Variants in ACYP2 observed in about 807,000 individuals in gnomAD.
ACYP2 encodes the protein acylphosphatase-2.
ACYP2 carries 12 observed loss-of-function variants against 11.2 expected under a neutral mutation model. The ratio of observed to expected loss-of-function variants is 1.08; its 90% CI spans 0.69 to 1.74. The LOEUF (loss-of-function observed/expected upper bound fraction) is 1.74, where lower values mean the gene tolerates loss of function less well. Among genes scored for constraint, ACYP2 ranks in the 40% most tolerant of loss-of-function variants. The pLI is 0.00. For synonymous variants in ACYP2, 43 were observed against 32.2 expected (o/e 1.33, Z -1.13); for missense variants, 134 against 101.9 (o/e 1.31, Z -1.35).
At chr2:54,008,248 C>G (rs983016713) in intron 2 of ACYP2, among the ~76,000 whole-genome samples, 3 of 152,222 alleles carry the variant, frequency 2.0e-5, no homozygotes, top group African/African-American at 7.2e-5. Context: ...CTAAAGTCCA[C>G]TAACACCTCT....
At chr2:54,145,328 T>G (rs1010091017) in intron 6 of ACYP2, among the ~76,000 whole-genome samples, 1 of 152,232 alleles carries the variant, frequency 6.6e-6, no homozygotes, top group Non-Finnish European at 1.5e-5. Context: ...TGCTTTAGGC[T>G]GCAAGTAACA....
intron 6 of ACYP2, among the ~76,000 whole-genome samples, chr2:54,218,165 T>C (rs1048145311): frequency 6.6e-6 from 1 of 152,214 alleles, no homozygotes; most frequent in African/African-American, 2.4e-5. Flanking sequence ...AAAGTAGTCT[T>C]GTTCTTCATT....
At position 54,198,009 on chromosome 2, in the gene ACYP2, A is replaced by C. The variant is rs370346216; in HGVS notation, c.404+59261A>C. On this transcript the variant is annotated intron_variant, in intron 6 of 6. Transcript: ENST00000607452. ...ATTGTATTGTATTGTATTGTATTGTATTGTATTGTATTGTATTGTATTGTA... is the reference window on the plus strand; with the variant it reads ...ATTGTATTGTATTGTATTGTATTGTCTTGTATTGTATTGTATTGTATTGTA... 7.1e-5 allele frequency among the ~76,000 whole-genome samples: 10 copies of C among 140,082 alleles called. No individual in the cohort carries two copies. The East Asian group carries it at 1.2e-3, about 17-fold the overall frequency. 91.9% of individuals were successfully genotyped at this position (140,082 alleles called of 152,430 possible). A position where few individuals can be genotyped will look rare whatever the true frequency, so the allele number is the denominator to read the frequency against.
chr2:54,033,217 A>G (rs1329063335), intron 2 of ACYP2, among the ~76,000 whole-genome samples: 15 of 134,320 alleles, frequency 1.1e-4, no homozygotes, highest in African/African-American at 4.0e-4. Flanking sequence ...TTTTTTTTTG[A>G]GACAGGGTCT....
At chr2:54,132,815 G>A (rs1680989402) in intron 4 of ACYP2, among the ~76,000 whole-genome samples, 1 of 150,420 alleles carries the variant, frequency 6.6e-6, no homozygotes, top group Non-Finnish European at 1.5e-5. Context: ...CATGATCTTG[G>A]CTCACCGAAA....
chr2:54,292,153 C>G (rs1021246294), intron 6 of ACYP2, among the ~76,000 whole-genome samples: 44 of 152,180 alleles, frequency 2.9e-4, no homozygotes, highest in African/African-American at 1.0e-3. Flanking sequence ...CTGGAATTAC[C>G]AGCATGACCA....
intron 4 of ACYP2, among the ~76,000 whole-genome samples, chr2:54,118,941 G>A (rs919304618): frequency 1.3e-5 from 2 of 150,182 alleles, no homozygotes; most frequent in Non-Finnish European, 1.5e-5. Flanking sequence ...CCTCATCCCT[G>A]TAACTGCAAT....
intron 4 of ACYP2, among the ~76,000 whole-genome samples, chr2:54,075,887 A>G (rs1677314508): frequency 1.3e-5 from 2 of 152,220 alleles, no homozygotes; most frequent in Non-Finnish European, 2.9e-5. Context: ...AACCTTTTAC[A>G]TAACTAAAGG....
At chr2:54,045,402 T>C (rs1330623753) in intron 2 of ACYP2, among the ~76,000 whole-genome samples, 2 of 152,152 alleles carry the variant, frequency 1.3e-5, no homozygotes, top group Non-Finnish European at 2.9e-5. Flanking sequence ...TACTATGCAG[T>C]GGGGATACGA....
At position 54,173,320 on chromosome 2, in the gene ACYP2, G is replaced by A. The variant is rs550318756; in HGVS notation, c.404+34572G>A. 6.3e-3 allele frequency among the ~76,000 whole-genome samples: 956 copies of A among 152,272 alleles called. 16 individuals carry two copies. The highest frequency in any genetic ancestry group is 0.022 in the African/African-American group (911 of 41,548). On this transcript the variant is annotated intron_variant, in intron 6 of 6. Transcript: ENST00000607452. ...AGTGATGATGAGCATTTTTTCATGT[G>A]TCTGTTGGCTGCATAAATGTCTTCT...
chr2:54,271,339 A>G (rs1301291884), intron 6 of ACYP2, among the ~76,000 whole-genome samples: 1 of 152,166 alleles, frequency 6.6e-6, no homozygotes, highest in Non-Finnish European at 1.5e-5. Flanking sequence ...AAGATTTAAG[A>G]CTTCCCCAAT....
chr2:54,238,359 C>G (rs1686588951), intron 6 of ACYP2, among the ~76,000 whole-genome samples: 1 of 151,986 alleles, frequency 6.6e-6, no homozygotes. Flanking sequence ...TGGAATAGTG[C>G]CTGGATTAGA....
chr2:54,248,769 T>C (rs935123065), intron 6 of ACYP2, among the ~76,000 whole-genome samples: 3 of 152,190 alleles, frequency 2.0e-5, no homozygotes, highest in Non-Finnish European at 4.4e-5. Context: ...GTGACAAATA[T>C]AAACTACGAA....
chr2:53,976,027 C>T (rs1000049475), intron 2 of ACYP2, among the ~76,000 whole-genome samples: 3 of 152,088 alleles, frequency 2.0e-5, no homozygotes, highest in African/African-American at 7.2e-5. Context: ...AGACAATTTT[C>T]AATCAAATAT....
Position 54,145,215 on chromosome 2 carries a change from C to T in ACYP2, c.404+6467C>T, listed in dbSNP as rs1363517548. Reference sequence around the variant, plus strand: ...TTTTTATTTGATTATAATCTGAGAACGAGGCCTAGAAGATTTCTACTTAAA... The same window carrying T: ...TTTTTATTTGATTATAATCTGAGAATGAGGCCTAGAAGATTTCTACTTAAA... On this transcript the variant is annotated intron_variant, in intron 6 of 6. Coordinates refer to ENST00000607452, the MANE Select transcript of ACYP2 (RefSeq NM_001320586.2). 4.6e-5 allele frequency among the ~76,000 whole-genome samples: 7 copies of T among 152,150 alleles called. No homozygotes were observed. The East Asian group carries it at 5.8e-4, about 13-fold the overall frequency.
chr2:54,233,536 C>T (rs537656622), intron 6 of ACYP2, among the ~76,000 whole-genome samples: 4 of 152,136 alleles, frequency 2.6e-5, no homozygotes, highest in Admixed American at 2.6e-4. Flanking sequence ...AACTCCTGAG[C>T]TCAAAGTGAT....
At chr2:53,977,407 T>C (rs1421944168) in intron 2 of ACYP2, among the ~76,000 whole-genome samples, 1 of 152,062 alleles carries the variant, frequency 6.6e-6, no homozygotes, top group East Asian at 1.9e-4. Flanking sequence ...TCCAACTCCC[T>C]TAGGTCTCAG....
intron 2 of ACYP2, among the ~76,000 whole-genome samples, chr2:54,039,221 T>TG (rs1399353235): frequency 4.0e-5 from 6 of 151,572 alleles, no homozygotes; most frequent in Admixed American, 2.0e-4. Flanking sequence ...TTGGAAGTTT[T>TG]TTTTTTTTTT....
Position 53,991,687 on chromosome 2 carries a change from G to C in ACYP2, c.62+17877G>C, listed in dbSNP as rs897419403. On this transcript the variant is annotated intron_variant, in intron 2 of 6. Coordinates refer to ENST00000607452, the MANE Select transcript of ACYP2 (RefSeq NM_001320586.2). The stretch of plus-strand genomic sequence containing the variant: ...CCCAAAGTGTTGGGGTTACAGGTGT[G>C]AGCCACTGTGCCTGGCCGTATTTCA... 4.6e-5 allele frequency among the ~76,000 whole-genome samples: 7 copies of C among 152,318 alleles called. No individual in the cohort carries two copies. In the East Asian group the frequency reaches 1.3e-3, roughly 29 times the overall value.
Sources: gnomAD v4.1 joint callset for allele counts (sites outside exome capture counted in the v4.1 genomes callset) on GRCh38, gnomAD v4.1.1 for gene constraint, MANE v1.5 for transcripts, NCBI Gene and HGNC (gene_info 2026-07-23, HGNC 2026-07-21) for gene names.